The following CPE variants were observed in gnomAD, a reference collection of about 807,000 sequenced individuals.
The protein encoded by CPE is carboxypeptidase E.
CPE carries 17 observed loss-of-function variants against 53.5 expected under a neutral mutation model. The ratio of observed to expected loss-of-function variants is 0.32; its 90% CI spans 0.22 to 0.48. CPE has a LOEUF of 0.48. Among genes scored for constraint, CPE ranks in the 20% least tolerant of loss-of-function variants. The pLI is 0.99. For missense variants in CPE, 524 were observed against 614.7 expected, an observed-to-expected ratio of 0.85 and a Z score of 1.56; for synonymous variants, 226 against 228.8, an observed-to-expected ratio of 0.99 and a Z score of 0.11.
intron 1 of CPE, among the ~76,000 whole-genome samples, chr4:165,448,910 T>TC (rs1157778238): frequency 2.6e-5 from 4 of 152,210 alleles, no homozygotes; most frequent in African/African-American, 9.6e-5. Context: ...GTTGCTGAGT[T>TC]CCAGTACTGC....
At position 165,491,207 on chromosome 4, in the gene CPE, A is replaced by G. The variant is rs1732597777; in HGVS notation, c.1114-1964A>G. ...GAAAAAAGTAAAGCCATGAATATTA[A>G]CCTAATATATTTCTGCCTAATACAG... On this transcript the variant is annotated intron_variant, in intron 6 of 8. Transcript: ENST00000402744. 3.9e-5 allele frequency among the ~76,000 whole-genome samples: 6 copies of G among 152,210 alleles called. No individual in the cohort carries two copies. In the South Asian group the frequency reaches 1.2e-3, roughly 31 times the overall value.
At chr4:165,414,541 T>C (rs1462923205) in intron 1 of CPE, among the ~76,000 whole-genome samples, 1 of 152,180 alleles carries the variant, frequency 6.6e-6, no homozygotes. Flanking sequence ...AAATTATATG[T>C]GTTAACAGCC....
intron 1 of CPE, among the ~76,000 whole-genome samples, chr4:165,389,555 C>A (rs991749246): frequency 2.0e-5 from 3 of 152,182 alleles, no homozygotes; most frequent in Non-Finnish European, 2.9e-5. Flanking sequence ...AGATAGGTTA[C>A]AACTTCATGG....
intron 4 of CPE, 71 bp from the exon 5 acceptor site, chr4:165,484,351 C>T (rs1732466324): frequency 3.6e-6 from 5 of 1,386,560 alleles, no homozygotes; most frequent in Non-Finnish European, 5.0e-6. Flanking sequence ...AATACTGAAT[C>T]ACTCTTTAGA....
chr4:165,493,355 C>G (rs1732642670), intron 7 of CPE, 85 bp downstream of exon 7: 13 of 949,138 alleles, frequency 1.4e-5, no homozygotes, highest in Admixed American at 2.3e-5. Flanking sequence ...TTATGTTCTT[C>G]TAAGCAAAAC....
At chr4:165,431,472 G>A (rs561779472) in intron 1 of CPE, among the ~76,000 whole-genome samples, 1 of 152,300 alleles carries the variant, frequency 6.6e-6, no homozygotes, top group East Asian at 1.9e-4. Flanking sequence ...AGGCCAGGTA[G>A]TTTCCATATA....
At chr4:165,463,835 A>C (rs1399173802) in intron 1 of CPE, among the ~76,000 whole-genome samples, 2 of 152,252 alleles carry the variant, frequency 1.3e-5, no homozygotes, top group Non-Finnish European at 2.9e-5. Flanking sequence ...ATGGTATATT[A>C]GTCTTGTCAG....
intron 1 of CPE, among the ~76,000 whole-genome samples, chr4:165,409,594 T>A (rs1731005763): frequency 6.6e-6 from 1 of 151,162 alleles, no homozygotes; most frequent in African/African-American, 2.4e-5. Flanking sequence ...ATTTGATGAC[T>A]TTTTTTTTGA....
intron 1 of CPE, chr4:165,404,252 A>G (rs1411260193): frequency 3.9e-6 from 3 of 765,980 alleles, no homozygotes; most frequent in Non-Finnish European, 4.9e-6. Flanking sequence ...GACGGCTCCA[A>G]TGTCTCCCTC....
chr4:165,426,851 G>C (rs1269469952), intron 1 of CPE, among the ~76,000 whole-genome samples: 4 of 152,216 alleles, frequency 2.6e-5, no homozygotes, highest in Admixed American at 2.6e-4. Context: ...TGGACACAAA[G>C]GGTGAGGTTG....
intron 1 of CPE, chr4:165,403,965 C>T (rs1730912870): frequency 1.7e-6 from 1 of 605,688 alleles, no homozygotes; most frequent in Non-Finnish European, 3.1e-6. Context: ...GTTTGTCTTC[C>T]TTCTCGTTAC....
intron 1 of CPE, among the ~76,000 whole-genome samples, chr4:165,460,462 C>T (rs1579271950): frequency 6.6e-6 from 1 of 152,102 alleles, no homozygotes. Flanking sequence ...ATACTGCTGC[C>T]TTCATTCCCA....
intron 3 of CPE, among the ~76,000 whole-genome samples, chr4:165,476,816 C>T (rs1186607450): frequency 6.6e-6 from 1 of 152,138 alleles, no homozygotes; most frequent in Middle Eastern, 3.2e-3. Flanking sequence ...CTTAAGCTTT[C>T]CTGCTTCTGA....
intron 1 of CPE, among the ~76,000 whole-genome samples, chr4:165,442,243 G>A (rs1000520254): frequency 6.6e-6 from 1 of 151,850 alleles, no homozygotes; most frequent in East Asian, 1.9e-4. Flanking sequence ...AGAGTCTTGC[G>A]ATGTTGCCCA....
intron 6 of CPE, among the ~76,000 whole-genome samples, chr4:165,489,035 GCTTA>G (rs1436686529): frequency 1.3e-5 from 2 of 152,136 alleles, no homozygotes; most frequent in East Asian, 3.9e-4. Context: ...CTGCATGTTA[GCTTA>G]AAAAGGTATT....
intron 1 of CPE, among the ~76,000 whole-genome samples, chr4:165,426,603 T>G (rs923176205): frequency 4.6e-5 from 7 of 152,212 alleles, no homozygotes; most frequent in Non-Finnish European, 8.8e-5. Context: ...GTAGGCTGCC[T>G]CCAATTATTT....
intron 1 of CPE, among the ~76,000 whole-genome samples, chr4:165,444,275 C>T (rs1731664012): frequency 6.6e-6 from 1 of 152,116 alleles, no homozygotes; most frequent in Admixed American, 6.6e-5. Context: ...GACATCTCAC[C>T]AGTCTGACTT....
intron 1 of CPE, among the ~76,000 whole-genome samples, chr4:165,414,142 T>C (rs1459522278): frequency 6.6e-6 from 1 of 152,208 alleles, no homozygotes; most frequent in Non-Finnish European, 1.5e-5. Flanking sequence ...TTTAAGGCTA[T>C]GTAATTCATA....
chr4:165,418,707 G>C (rs1045141948), intron 1 of CPE, among the ~76,000 whole-genome samples: 1 of 152,108 alleles, frequency 6.6e-6, no homozygotes, highest in African/African-American at 2.4e-5. Flanking sequence ...ATTCTCCCAA[G>C]AATGTTAATA....
Sources: gnomAD v4.1 joint callset for allele counts (sites outside exome capture counted in the v4.1 genomes callset) on GRCh38, gnomAD v4.1.1 for gene constraint, MANE v1.5 for transcripts, NCBI Gene and HGNC (gene_info 2026-07-23, HGNC 2026-07-21) for gene names.